SGCZ: variants seen among roughly 807,000 people sequenced by gnomAD.
SGCZ encodes sarcoglycan zeta, also known as zeta-sarcoglycan.
SGCZ carries 40 observed loss-of-function variants against 41.3 expected under a neutral mutation model. That is an observed-to-expected ratio of 0.97 (90% CI 0.75 to 1.26). SGCZ has a LOEUF of 1.26. Among genes scored for constraint, SGCZ ranks in the 50% most tolerant of loss-of-function variants. SGCZ has a pLI of 0.00. For missense variants in SGCZ, 552 were observed against 369.8 expected (o/e 1.49, Z -4.04); for synonymous variants, 206 against 137.5 (o/e 1.50, Z -3.49).
chr8:14,713,764 T>A (rs960408395), intron 1 of SGCZ, among the ~76,000 whole-genome samples: 3 of 151,810 alleles, frequency 2.0e-5, no homozygotes, highest in African/African-American at 4.8e-5. Context: ...TTCAATATAA[T>A]TATATTATTT....
At chr8:14,851,491 T>A (rs2130654736) in intron 1 of SGCZ, among the ~76,000 whole-genome samples, 1 of 151,206 alleles carries the variant, frequency 6.6e-6, no homozygotes, top group Middle Eastern at 3.5e-3. Flanking sequence ...CTTCCTGCAA[T>A]ACAACAGTAC....
chr8:14,438,165 G>C (rs1301354451), intron 2 of SGCZ, among the ~76,000 whole-genome samples: 1 of 151,908 alleles, frequency 6.6e-6, no homozygotes, highest in Non-Finnish European at 1.5e-5. Context: ...TCAAACTTTA[G>C]CATGTTGTAA....
intron 1 of SGCZ, among the ~76,000 whole-genome samples, chr8:14,629,684 G>C (rs1419190665): frequency 6.6e-6 from 1 of 151,764 alleles, no homozygotes; most frequent in Non-Finnish European, 1.5e-5. Context: ...CTTGTCTATG[G>C]AATGCTTTCA....
chr8:15,090,516 A>G (rs1806119317), intron 1 of SGCZ, among the ~76,000 whole-genome samples: 1 of 152,186 alleles, frequency 6.6e-6, no homozygotes, highest in Admixed American at 6.5e-5. Context: ...GAACAAATCC[A>G]AACCAAAGGT....
intron 2 of SGCZ, among the ~76,000 whole-genome samples, chr8:14,357,396 G>A (rs1003133617): frequency 5.9e-5 from 9 of 151,878 alleles, no homozygotes; most frequent in African/African-American, 1.9e-4. Context: ...AAAATTCTTC[G>A]CAACATAAAA....
intron 2 of SGCZ, among the ~76,000 whole-genome samples, chr8:14,426,197 T>C (rs1799778325): frequency 6.6e-6 from 1 of 152,158 alleles, no homozygotes; most frequent in Non-Finnish European, 1.5e-5. Flanking sequence ...GCTTAATTTC[T>C]AGTAAATGGA....
At chr8:14,394,254 G>C (rs544839435) in intron 2 of SGCZ, among the ~76,000 whole-genome samples, 7 of 149,120 alleles carry the variant, frequency 4.7e-5, no homozygotes, top group Non-Finnish European at 1.0e-4. Context: ...AGGTTTAAGT[G>C]ATTCTCCTGC....
intron 4 of SGCZ, among the ~76,000 whole-genome samples, chr8:14,169,350 A>G (rs1389455123): frequency 6.6e-6 from 1 of 152,098 alleles, no homozygotes; most frequent in Non-Finnish European, 1.5e-5. Flanking sequence ...CATCTTATTG[A>G]ACACCATTTT....
At chr8:14,098,697 GAGACATAACACAA>G (rs1362394138) in intron 7 of SGCZ, among the ~76,000 whole-genome samples, 1 of 152,132 alleles carries the variant, frequency 6.6e-6, no homozygotes, top group Non-Finnish European at 1.5e-5. Context: ...AACAAACCTT[GAGACATAACACAA>G]TTAAGGAGGG....
In SGCZ at chr8:14,409,288, T is replaced by C. The variant is rs150752443; in HGVS notation, c.235-85084A>G. ...CAAATTATACTTTCTCCTGAAGATT[T>C]TCACATGTATGTATAGGAGGGGGCC... On this transcript the variant is annotated intron_variant, in intron 2 of 7. Coordinates refer to ENST00000382080, the MANE Select transcript of SGCZ (RefSeq NM_139167.4). 5.8e-3 allele frequency among the ~76,000 whole-genome samples: 884 copies of C among 152,232 alleles called. 14 individuals carry two copies. The highest frequency in any genetic ancestry group is 0.021 in the African/African-American group (854 of 41,536).
intron 2 of SGCZ, among the ~76,000 whole-genome samples, chr8:14,517,396 T>A (rs747318533): frequency 3.3e-5 from 5 of 152,128 alleles, no homozygotes; most frequent in Admixed American, 6.6e-5. Flanking sequence ...CATTCTATTC[T>A]TTCTATATTT....
At chr8:14,606,383 G>C (rs1028763840) in intron 1 of SGCZ, among the ~76,000 whole-genome samples, 1 of 152,108 alleles carries the variant, frequency 6.6e-6, no homozygotes, top group Non-Finnish European at 1.5e-5. Context: ...TTTGTAATTA[G>C]TTCCTCAACA....
intron 1 of SGCZ, among the ~76,000 whole-genome samples, chr8:14,901,493 A>C (rs764525376): frequency 3.3e-5 from 5 of 152,292 alleles, no homozygotes; most frequent in Middle Eastern, 3.4e-3. Flanking sequence ...TTGTTACTAA[A>C]AATGTATCTG....
intron 1 of SGCZ, among the ~76,000 whole-genome samples, chr8:14,795,840 G>T (rs374993842): frequency 1.3e-5 from 2 of 151,884 alleles, no homozygotes; most frequent in African/African-American, 4.8e-5. Flanking sequence ...TCCACCCTCC[G>T]AAAGATCCCA....
intron 2 of SGCZ, among the ~76,000 whole-genome samples, chr8:14,415,034 A>T (rs1399604284): frequency 6.6e-6 from 1 of 151,898 alleles, no homozygotes; most frequent in Admixed American, 6.6e-5. Context: ...AGATTTTACA[A>T]AATTATCCTG....
chr8:15,218,385 G>A (rs1187326646), intron 1 of SGCZ, among the ~76,000 whole-genome samples: 3 of 152,182 alleles, frequency 2.0e-5, no homozygotes, highest in Non-Finnish European at 4.4e-5. Context: ...AGGTTTTAAT[G>A]CATGCAGAAC....
At chr8:14,865,497 G>C (rs971266911) in intron 1 of SGCZ, among the ~76,000 whole-genome samples, 1 of 152,076 alleles carries the variant, frequency 6.6e-6, no homozygotes, top group African/African-American at 2.4e-5. Context: ...TGGTGAAAAA[G>C]AAAGTTGGGT....
At chr8:15,021,766 A>C (rs963833907) in intron 1 of SGCZ, among the ~76,000 whole-genome samples, 14 of 152,202 alleles carry the variant, frequency 9.2e-5, no homozygotes, top group Non-Finnish European at 1.8e-4. Context: ...CTTTCTAGCC[A>C]AATGGTCTAT....
At position 14,134,337 on chromosome 8, in the gene SGCZ, T is replaced by C. The variant is rs532136376; in HGVS notation, c.548-26102A>G. Among the ~76,000 whole-genome samples the C allele has an allele frequency of 3.7e-4, 57 of 152,316 alleles. 1 individual carries two copies. Among genetic ancestry groups the C allele is most frequent in the African/African-American group, 1.2e-3 (50 of 41,572 alleles). ...TACACACTTTCAGAGCCAGTACATGTATCATGATGCAGGGAAAGGCAGCCT... is the reference window on the plus strand; with the variant it reads ...TACACACTTTCAGAGCCAGTACATGCATCATGATGCAGGGAAAGGCAGCCT... On this transcript the variant is annotated intron_variant, in intron 5 of 7. Coordinates refer to ENST00000382080, the MANE Select transcript of SGCZ (RefSeq NM_139167.4).
Sources: allele counts gnomAD v4.1 joint callset (sites outside exome capture counted in the v4.1 genomes callset), GRCh38; gene constraint gnomAD v4.1.1; transcripts MANE v1.5; gene names NCBI Gene and HGNC (gene_info 2026-07-23, HGNC 2026-07-21).